Variants in RGS6 observed in about 807,000 individuals in gnomAD.
The protein encoded by RGS6 is regulator of G-protein signaling 6.
In RGS6, 30 loss-of-function variants were observed where a neutral mutation model predicts 78.5. That is an observed-to-expected ratio of 0.38 (90% CI 0.29 to 0.52). The LOEUF (loss-of-function observed/expected upper bound fraction) is 0.52, where lower values mean the gene tolerates loss of function less well. Among genes scored for constraint, RGS6 ranks in the 20% least tolerant of loss-of-function variants. RGS6 has a pLI of 0.85. For missense variants in RGS6, 495 were observed against 609.7 expected (o/e 0.81, Z 1.98); for synonymous variants, 206 against 206.0 (o/e 1.00, Z 0.00).
chr14:72,556,454 C>A (rs577721283), intron 17 of RGS6, among the ~76,000 whole-genome samples: 1 of 152,140 alleles, frequency 6.6e-6, no homozygotes, highest in Admixed American at 6.5e-5. Context: ...GATTACAATT[C>A]GAAGTGAGAT....
the RGS6 span, among the ~76,000 whole-genome samples, chr14:72,574,783 T>A: frequency 6.6e-6 from 1 of 151,984 alleles, no homozygotes; most frequent in Non-Finnish European, 1.5e-5. Flanking sequence ...CTGCTGAGGG[T>A]GCAGTGGGTG....
chr14:72,098,286 G>A (rs1179577199), intron 2 of RGS6, among the ~76,000 whole-genome samples: 1 of 152,152 alleles, frequency 6.6e-6, no homozygotes, highest in African/African-American at 2.4e-5. Context: ...AGCATTTCCT[G>A]TAATTTCATT....
At chr14:71,999,062 C>T (rs1046400311) in intron 2 of RGS6, among the ~76,000 whole-genome samples, 1 of 77,274 alleles carries the variant, frequency 1.3e-5, no homozygotes, top group African/African-American at 3.6e-5. Flanking sequence ...GAGACCCTAT[C>T]TCTAAAAAAT....
intron 3 of RGS6, among the ~76,000 whole-genome samples, chr14:72,394,109 G>C (rs980379359): frequency 6.6e-6 from 1 of 152,088 alleles, no homozygotes; most frequent in Non-Finnish European, 1.5e-5. Context: ...ACCCACCCCT[G>C]ATAATTCAAC....
At chr14:71,875,754 T>C in the RGS6 span, among the ~76,000 whole-genome samples, 2 of 152,370 alleles carry the variant, frequency 1.3e-5, no homozygotes, top group South Asian at 2.1e-4. Context: ...CAATTTTAGA[T>C]CTTTCCTGCT....
intron 3 of RGS6, among the ~76,000 whole-genome samples, chr14:72,404,289 G>A (rs1004225253): frequency 1.3e-5 from 2 of 152,224 alleles, no homozygotes; most frequent in Admixed American, 6.5e-5. Flanking sequence ...CTCAGGCTAT[G>A]AAGCTGTGGG....
rs543244324 is a variant in RGS6 at position 71,935,716 on chromosome 14, TCTC to T, written c.-21+2778_-21+2780del. Among the ~76,000 whole-genome samples, 157 of 152,148 alleles carry T rather than the reference TCTC, an allele frequency of 1.0e-3. 2 individuals carry two copies. Among genetic ancestry groups the T allele is most frequent in the South Asian group, 3.7e-3 (18 of 4,810 alleles). On this transcript the variant is annotated intron_variant, in intron 1 of 17. Coordinates refer to ENST00000553525, the MANE Select transcript of RGS6 (RefSeq NM_001204424.2). Reference sequence around the variant, plus strand: ...AGTTCTGGTTGCAGTTACTCCAACTTCTCCTGTGGCCTCTGGGCCTCTGTTTCC... The same window carrying T: ...AGTTCTGGTTGCAGTTACTCCAACTTCTGTGGCCTCTGGGCCTCTGTTTCC...
intron 4 of RGS6, among the ~76,000 whole-genome samples, chr14:72,457,297 G>A (rs2095657975): frequency 6.6e-6 from 1 of 152,180 alleles, no homozygotes; most frequent in South Asian, 2.1e-4. Flanking sequence ...CAGAGCTCGT[G>A]AAATTAATAA....
Position 72,297,294 on chromosome 14 carries a change from A to G in RGS6, c.85-54801A>G, listed in dbSNP as rs191496792. On this transcript the variant is annotated intron_variant, in intron 2 of 17. Transcript: ENST00000553525. ...TCTGTATAAATTTTAGAATCAGCTTATCGATTTCTACAAAACGTCTTCAGA... is the reference window on the plus strand; with the variant it reads ...TCTGTATAAATTTTAGAATCAGCTTGTCGATTTCTACAAAACGTCTTCAGA... Among the ~76,000 whole-genome samples the G allele has an allele frequency of 4.0e-3, 603 of 152,168 alleles. 3 individuals are homozygous for G. The highest frequency in any genetic ancestry group is 0.013 in the African/African-American group (534 of 41,564).
At chr14:72,037,957 G>C (rs11848830) in intron 2 of RGS6, among the ~76,000 whole-genome samples, 1 of 151,832 alleles carries the variant, frequency 6.6e-6, no homozygotes, top group Admixed American at 6.6e-5. Context: ...ATACCATGCT[G>C]TCTTTATTTT....
chr14:72,427,293 C>T (rs1171184718), intron 3 of RGS6, among the ~76,000 whole-genome samples: 1 of 152,134 alleles, frequency 6.6e-6, no homozygotes, highest in African/African-American at 2.4e-5. Context: ...TCTCTTATGA[C>T]TAAGTTATAA....
At chr14:72,438,817 C>T (rs986829630) in intron 3 of RGS6, among the ~76,000 whole-genome samples, 63 of 152,266 alleles carry the variant, frequency 4.1e-4, no homozygotes, top group African/African-American at 1.5e-3. Flanking sequence ...CCCCTTACCA[C>T]TTGAAGCCTT....
intron 3 of RGS6, among the ~76,000 whole-genome samples, chr14:72,431,187 A>G (rs72726132): frequency 0.17 from 26,353 of 152,182 alleles, 2,345 homozygotes; most frequent in Middle Eastern, 0.22. Context: ...GGTGGACCAG[A>G]TGCCTGCTCT....
chr14:72,419,934 G>GC (rs1262128439), intron 3 of RGS6, among the ~76,000 whole-genome samples: 1 of 152,202 alleles, frequency 6.6e-6, no homozygotes, highest in Non-Finnish European at 1.5e-5. Context: ...GGTCCAATCT[G>GC]CCCCCCTAAG....
chr14:72,408,547 T>C (rs1432394521), intron 3 of RGS6, among the ~76,000 whole-genome samples: 1 of 152,182 alleles, frequency 6.6e-6, no homozygotes, highest in African/African-American at 2.4e-5. Flanking sequence ...CCTCATTTTG[T>C]GTTGTGTGGG....
the RGS6 span, among the ~76,000 whole-genome samples, chr14:71,885,690 A>G: frequency 1.1e-4 from 16 of 152,352 alleles, no homozygotes; most frequent in South Asian, 3.3e-3. Flanking sequence ...AATTAATAAT[A>G]CAGCGTTCAG....
intron 2 of RGS6, among the ~76,000 whole-genome samples, chr14:72,202,598 G>A (rs1192405106): frequency 6.6e-6 from 1 of 152,040 alleles, no homozygotes; most frequent in Non-Finnish European, 1.5e-5. Flanking sequence ...AATCATCAAG[G>A]CCACTTCCTC....
chr14:72,159,396 G>A (rs2096821893), intron 2 of RGS6, among the ~76,000 whole-genome samples: 2 of 152,184 alleles, frequency 1.3e-5, no homozygotes, highest in African/African-American at 4.8e-5. Context: ...CTGGAGAAGA[G>A]AAACAATGAA....
chr14:72,494,641 A>C (rs2096620492), intron 12 of RGS6, among the ~76,000 whole-genome samples: 2 of 152,200 alleles, frequency 1.3e-5, no homozygotes, highest in African/African-American at 4.8e-5. Context: ...TTATAACTAG[A>C]AAAGTTGCTT....
Sources: allele counts gnomAD v4.1 joint callset (sites outside exome capture counted in the v4.1 genomes callset), GRCh38; gene constraint gnomAD v4.1.1; transcripts MANE v1.5; gene names NCBI Gene and HGNC (gene_info 2026-07-23, HGNC 2026-07-21).